SP140: variants seen among roughly 807,000 people sequenced by gnomAD.
SP140 encodes SP140 nuclear body protein.
Under a neutral mutation model 125.0 loss-of-function variants are expected in SP140, and 81 were observed. The ratio of observed to expected loss-of-function variants is 0.65; its 90% CI spans 0.54 to 0.78. SP140 has a LOEUF of 0.78. Among genes scored for constraint, SP140 ranks in the 30% least tolerant of loss-of-function variants. The probability of loss-of-function intolerance (pLI) is 0.00; values close to 1 mark genes in which losing one functional copy is unlikely to be tolerated. For missense variants in SP140, 858 were observed against 1,037.0 expected (o/e 0.83, Z 2.37); for synonymous variants, 312 against 354.0 (o/e 0.88, Z 1.33).
chr2:230,205,918 T>C (rs1453419850), intron 1 of SP140, among the ~76,000 whole-genome samples: 2 of 152,258 alleles, frequency 1.3e-5, no homozygotes, highest in East Asian at 1.9e-4. Context: ...ATAATCTGAC[T>C]AGTTTACAAT....
chr2:230,236,800 C>T (rs2048075382), intron 1 of SP140, among the ~76,000 whole-genome samples: 1 of 152,096 alleles, frequency 6.6e-6, no homozygotes, highest in Non-Finnish European at 1.5e-5. Context: ...GCATATTTTC[C>T]CTAGAGAGTT....
intron 15 of SP140, among the ~76,000 whole-genome samples, chr2:230,272,442 G>T (rs1035183253): frequency 6.6e-6 from 1 of 152,042 alleles, no homozygotes; most frequent in Non-Finnish European, 1.5e-5. Context: ...GAATCATAGG[G>T]GCCGGTTTTT....
chr2:230,253,886 G>A (rs556714232), intron 11 of SP140, among the ~76,000 whole-genome samples: 2 of 152,296 alleles, frequency 1.3e-5, no homozygotes, highest in South Asian at 4.1e-4. Context: ...CAAGCAAAGC[G>A]TATGCAGTTT....
intron 3 of SP140, chr2:230,238,949 A>G (rs2048350794): frequency 1.3e-6 from 2 of 1,537,150 alleles, no homozygotes; most frequent in Admixed American, 2.0e-5. Context: ...TGTGGGAGGC[A>G]GGGTGTGAGA....
chr2:230,193,272 T>C, the SP140 span, among the ~76,000 whole-genome samples: 3 of 152,236 alleles, frequency 2.0e-5, no homozygotes, highest in South Asian at 4.1e-4. Flanking sequence ...CTCTTGAAGA[T>C]AGCAGATATT....
At chr2:230,294,169 G>C in intron 20 of SP140, 102 bp from the exon 21 acceptor site, 1 of 888,442 alleles carries the variant, frequency 1.1e-6, no homozygotes, top group South Asian at 1.4e-5. Flanking sequence ...TGAGCTGGCA[G>C]TGGAACACTC....
At chr2:230,250,025 A>G (rs1481197411) in intron 9 of SP140, among the ~76,000 whole-genome samples, 1 of 152,196 alleles carries the variant, frequency 6.6e-6, no homozygotes, top group African/African-American at 2.4e-5. Context: ...TATTTATCCC[A>G]GGACCCTGCC....
intron 15 of SP140, 22 bp from the exon 16 acceptor site, chr2:230,284,324 C>G: frequency 6.3e-7 from 1 of 1,591,358 alleles, no homozygotes; most frequent in Admixed American, 1.8e-5. Flanking sequence ...GCATAATTAA[C>G]TTTATTCTCT....
At chr2:230,296,461 G>C (rs2057741298) in intron 21 of SP140, among the ~76,000 whole-genome samples, 1 of 152,156 alleles carries the variant, frequency 6.6e-6, no homozygotes, top group South Asian at 2.1e-4. Flanking sequence ...GTCATGCCAT[G>C]GATATCCAAA....
intron 1 of SP140, among the ~76,000 whole-genome samples, chr2:230,231,428 T>C (rs773561678): frequency 1.3e-5 from 2 of 152,230 alleles, no homozygotes; most frequent in Non-Finnish European, 2.9e-5. Context: ...CCATATCTAA[T>C]GTTTGTTCTA....
chr2:230,310,517 G>A (rs1180038656), intron 23 of SP140: 26 of 982,444 alleles, frequency 2.6e-5, no homozygotes, highest in South Asian at 4.8e-5. Context: ...CCACACTCAC[G>A]GTGACACCAC....
At chr2:230,261,067 T>C (rs1410920627) in intron 12 of SP140, among the ~76,000 whole-genome samples, 3 of 152,234 alleles carry the variant, frequency 2.0e-5, no homozygotes, top group Non-Finnish European at 4.4e-5. Flanking sequence ...TACCCATCCA[T>C]GAAGCATGGG....
intron 1 of SP140, among the ~76,000 whole-genome samples, chr2:230,229,520 T>G (rs1426225582): frequency 7.6e-6 from 1 of 131,172 alleles, no homozygotes; most frequent in Non-Finnish European, 1.6e-5. Flanking sequence ...CAGGCTGGAG[T>G]ACAGTGGTGC....
In SP140 at chr2:230,266,737, G is replaced by A. The variant is rs552487148; in HGVS notation, c.1241-2795G>A. Among the ~76,000 whole-genome samples the A allele has an allele frequency of 2.3e-4, 35 of 152,210 alleles. 1 individual carries two copies. Among genetic ancestry groups the A allele is most frequent in the African/African-American group, 5.3e-4 (22 of 41,524 alleles). On this transcript the variant is annotated intron_variant, in intron 12 of 26. Coordinates refer to ENST00000392045, the MANE Select transcript of SP140 (RefSeq NM_007237.5). ...AGCTTTGTTGCTGGTTGTTGGTCAC[G>A]GACCACTCTCAGCTCCTGGAAGCCA... is the stretch of plus-strand genomic sequence containing the variant.
chr2:230,194,680 A>G, the SP140 span, among the ~76,000 whole-genome samples: 1 of 152,196 alleles, frequency 6.6e-6, no homozygotes, highest in African/African-American at 2.4e-5. Flanking sequence ...ATGACTCCAA[A>G]TCTAATCCAG....
At chr2:230,220,072 G>A (rs1431203826) in intron 3 of SP140, 1 of 985,526 alleles carries the variant, frequency 1.0e-6, no homozygotes, top group Non-Finnish European at 1.2e-6. Flanking sequence ...CTGAAGGCAG[G>A]TCGGTGCCTG....
rs950985044 is a variant in SP140 at position 230,301,392 on chromosome 2, G to A, written c.2058+3930G>A. On this transcript the variant is annotated intron_variant, in intron 22 of 26. Transcript: ENST00000392045. ...AAGAATCTATGAAGCAAAAACATCA[G>A]CTAAACTACAAAGGAAAACTTATCT... is the stretch of plus-strand genomic sequence containing the variant. Among the ~76,000 whole-genome samples the A allele has an allele frequency of 9.2e-5, 14 of 152,258 alleles. No individual in the cohort carries two copies. In the East Asian group the frequency reaches 2.5e-3, roughly 27 times the overall value.
downstream of SP140, among the ~76,000 whole-genome samples, chr2:230,314,223 T>C (rs1477418153): frequency 3.9e-5 from 6 of 152,284 alleles, no homozygotes; most frequent in African/African-American, 1.4e-4. Context: ...AAAAATCCTC[T>C]TTCCCCTTGT....
intron 1 of SP140, among the ~76,000 whole-genome samples, chr2:230,229,140 A>G (rs1300611681): frequency 1.3e-5 from 2 of 151,986 alleles, no homozygotes; most frequent in Non-Finnish European, 1.5e-5. Flanking sequence ...ATATCACTTC[A>G]TGAGTAGAGA....
Sources: allele counts gnomAD v4.1 joint callset (sites outside exome capture counted in the v4.1 genomes callset), GRCh38; gene constraint gnomAD v4.1.1; transcripts MANE v1.5; gene names NCBI Gene and HGNC (gene_info 2026-07-23, HGNC 2026-07-21).